Variants in CAPZA1 observed in about 807,000 individuals in gnomAD.
CAPZA1 encodes capping actin protein of muscle Z-line subunit alpha 1, also known as F-actin-capping protein subunit alpha-1.
A neutral mutation model predicts 40.8 loss-of-function variants in CAPZA1; 10 were observed. The ratio of observed to expected loss-of-function variants is 0.25; its 90% confidence interval spans 0.15 to 0.42. The LOEUF (loss-of-function observed/expected upper bound fraction) is 0.42, where lower values mean the gene tolerates loss of function less well. Among genes scored for constraint, CAPZA1 ranks in the 10% least tolerant of loss-of-function variants. CAPZA1 has a pLI of 1.00. For synonymous variants in CAPZA1, 98 were observed against 115.0 expected (o/e 0.85, Z 0.95); for missense variants, 277 against 353.8 (o/e 0.78, Z 1.74).
At chr1:112,663,933 C>T (rs1671668486) in intron 7 of CAPZA1, among the ~76,000 whole-genome samples, 1 of 151,996 alleles carries the variant, frequency 6.6e-6, no homozygotes, top group Non-Finnish European at 1.5e-5. Context: ...AGCTGTTTGT[C>T]CTCATTCAAG....
At chr1:112,643,057 G>T (rs1237743688) in intron 1 of CAPZA1, among the ~76,000 whole-genome samples, 6 of 151,720 alleles carry the variant, frequency 4.0e-5, no homozygotes, top group African/African-American at 1.5e-4. Context: ...AAAGGGGATA[G>T]ACCATAGCTC....
intron 1 of CAPZA1, among the ~76,000 whole-genome samples, chr1:112,640,726 A>C (rs1671139790): frequency 6.6e-6 from 1 of 152,268 alleles, no homozygotes; most frequent in Non-Finnish European, 1.5e-5. Flanking sequence ...AGGTGTGCCC[A>C]GCAGCTCATT....
chr1:112,623,945 G>T (rs1333438735), intron 1 of CAPZA1, among the ~76,000 whole-genome samples: 1 of 142,140 alleles, frequency 7.0e-6, no homozygotes, highest in African/African-American at 2.6e-5. Context: ...GGCAGAGTTT[G>T]CAGTGAGCCG....
intron 1 of CAPZA1, among the ~76,000 whole-genome samples, chr1:112,621,793 G>C (rs1282886409): frequency 8.1e-6 from 1 of 123,898 alleles, no homozygotes; most frequent in Non-Finnish European, 1.6e-5. Flanking sequence ...ATGGAGTCTC[G>C]CTCTGTCACC....
At chr1:112,633,883 C>G (rs893225919) in intron 1 of CAPZA1, among the ~76,000 whole-genome samples, 1 of 152,062 alleles carries the variant, frequency 6.6e-6, no homozygotes, top group Admixed American at 6.5e-5. Context: ...ATTTGTATAT[C>G]TTTGAGAAAT....
At chr1:112,668,713 T>C (rs998090364) in intron 8 of CAPZA1, among the ~76,000 whole-genome samples, 11 of 152,104 alleles carry the variant, frequency 7.2e-5, no homozygotes, top group African/African-American at 2.7e-4. Flanking sequence ...CTTGAACTCC[T>C]GACCTCACCT....
intron 1 of CAPZA1, among the ~76,000 whole-genome samples, chr1:112,636,887 T>C (rs1375765717): frequency 1.3e-5 from 2 of 152,240 alleles, no homozygotes; most frequent in African/African-American, 2.4e-5. Context: ...CATCTTAGCT[T>C]TGACCCAGTT....
chr1:112,634,191 A>G (rs1352742891), intron 1 of CAPZA1, among the ~76,000 whole-genome samples: 3 of 152,222 alleles, frequency 2.0e-5, no homozygotes, highest in African/African-American at 4.8e-5. Flanking sequence ...CATCCTGTAC[A>G]TATCTCTTTC....
intron 1 of CAPZA1, among the ~76,000 whole-genome samples, chr1:112,641,218 TAAAAA>T (rs60734941): frequency 2.8e-5 from 4 of 145,286 alleles, no homozygotes; most frequent in South Asian, 2.1e-4. Flanking sequence ...GAATGATCAA[TAAAAA>T]AAAAAATAAA....
intron 1 of CAPZA1, 28 bp from the exon 2 acceptor site, chr1:112,647,179 TCTC>T (rs776901407): frequency 8.7e-7 from 1 of 1,150,422 alleles, no homozygotes; most frequent in South Asian, 1.7e-5. Flanking sequence ...TCTTCATAAT[TCTC>T]CTAAGTGTAA....
chr1:112,666,989 A>T (rs1258529841), intron 7 of CAPZA1, 85 bp from the exon 8 acceptor site: 1 of 889,906 alleles, frequency 1.1e-6, no homozygotes, highest in Non-Finnish European at 1.8e-6. Context: ...CAACTTAAAG[A>T]TAGCTTAAAG....
intron 7 of CAPZA1, among the ~76,000 whole-genome samples, chr1:112,663,628 A>T (rs1442670480): frequency 6.6e-6 from 1 of 151,910 alleles, no homozygotes; most frequent in Non-Finnish European, 1.5e-5. Context: ...CAGCCTCCCA[A>T]GTAGCTGGGA....
At chr1:112,652,761 T>C (rs1671419365) in intron 3 of CAPZA1, among the ~76,000 whole-genome samples, 1 of 152,194 alleles carries the variant, frequency 6.6e-6, no homozygotes. Flanking sequence ...ACTGATACTT[T>C]TTAAGAATAT....
chr1:112,635,367 T>G (rs1670994225), intron 1 of CAPZA1, among the ~76,000 whole-genome samples: 1 of 152,140 alleles, frequency 6.6e-6, no homozygotes, highest in Non-Finnish European at 1.5e-5. Context: ...GGCAGAGATT[T>G]GGCTCCTAAA....
chr1:112,628,570 C>A (rs189964100), intron 1 of CAPZA1, among the ~76,000 whole-genome samples: 1 of 152,128 alleles, frequency 6.6e-6, no homozygotes, highest in Non-Finnish European at 1.5e-5. Context: ...GTATTGATGG[C>A]ATTTTGTTTC....
chr1:112,660,845 T>A (rs1028198890), intron 7 of CAPZA1, among the ~76,000 whole-genome samples: 1 of 140,144 alleles, frequency 7.1e-6, no homozygotes, highest in Non-Finnish European at 1.5e-5. Flanking sequence ...TGTCTTTTTT[T>A]TTTTTTTTTT....
intron 3 of CAPZA1, among the ~76,000 whole-genome samples, chr1:112,653,196 G>A (rs559481801): frequency 5.3e-5 from 8 of 152,352 alleles, no homozygotes; most frequent in African/African-American, 1.9e-4. Flanking sequence ...GCCGAGTGTG[G>A]TGGTGTGCAC....
At chr1:112,625,929 C>T (rs919630697) in intron 1 of CAPZA1, 1 of 152,544 alleles carries the variant, frequency 6.6e-6, no homozygotes, top group Non-Finnish European at 1.5e-5. Flanking sequence ...TCTCTGGCCT[C>T]AATGTGGGAG....
At chr1:112,661,391 C>T (rs1332992846) in intron 7 of CAPZA1, among the ~76,000 whole-genome samples, 1 of 152,112 alleles carries the variant, frequency 6.6e-6, no homozygotes, top group East Asian at 1.9e-4. Context: ...AGCCCAATAC[C>T]CACAGCTGTA....
Sources: gnomAD v4.1 joint callset for allele counts (sites outside exome capture counted in the v4.1 genomes callset) on GRCh38, gnomAD v4.1.1 for gene constraint, MANE v1.5 for transcripts, NCBI Gene and HGNC (gene_info 2026-07-23, HGNC 2026-07-21) for gene names.